Variants in DNAH11 observed in about 807,000 individuals in gnomAD.
DNAH11 encodes dynein axonemal heavy chain 11, also known as axonemal beta dynein heavy chain 11.
A neutral mutation model predicts 526.0 loss-of-function variants in DNAH11; 442 were observed. The ratio of observed to expected loss-of-function variants is 0.84; its 90% confidence interval spans 0.78 to 0.91. The LOEUF (loss-of-function observed/expected upper bound fraction) is 0.91, where lower values mean the gene tolerates loss of function less well. Ranked by LOEUF, DNAH11 falls within the 40% of genes least tolerant of loss-of-function variation. DNAH11 has a pLI of 0.00. For synonymous variants in DNAH11, 2,461 were observed against 1,935.9 expected, an observed-to-expected ratio of 1.27 and a Z score of -7.12; for missense variants, 6,989 against 5,448.7, an observed-to-expected ratio of 1.28 and a Z score of -8.90.
chr7:21,774,344 T>A (rs1472528977), intron 56 of DNAH11, among the ~76,000 whole-genome samples: 1 of 152,140 alleles, frequency 6.6e-6, no homozygotes. Context: ...TGGACCAGTA[T>A]CTTTTTTGGT....
chr7:21,748,412 C>A (rs1363311718), intron 51 of DNAH11, among the ~76,000 whole-genome samples, 168 bp from the exon 52 acceptor site: 1 of 152,152 alleles, frequency 6.6e-6, no homozygotes, highest in Non-Finnish European at 1.5e-5. Flanking sequence ...GAATCTGAAT[C>A]CGGGAGGCGG....
intron 28 of DNAH11, among the ~76,000 whole-genome samples, chr7:21,640,582 T>G (rs989914558): frequency 6.6e-6 from 1 of 152,074 alleles, no homozygotes; most frequent in Non-Finnish European, 1.5e-5. Context: ...ATTAATTCCA[T>G]GGGATAACAG....
At chr7:21,898,319 G>A (rs1016250199) in intron 79 of DNAH11, among the ~76,000 whole-genome samples, 1 of 152,158 alleles carries the variant, frequency 6.6e-6, no homozygotes, top group Non-Finnish European at 1.5e-5. Context: ...ATAGGTCCGG[G>A]CACAGAGATT....
intron 28 of DNAH11, among the ~76,000 whole-genome samples, chr7:21,649,313 G>T (rs768432019): frequency 4.6e-5 from 7 of 152,152 alleles, no homozygotes; most frequent in Non-Finnish European, 1.0e-4. Flanking sequence ...GAAATACATA[G>T]ATGGACCAAA....
At chr7:21,609,993 G>A (rs146867392) in intron 20 of DNAH11, among the ~76,000 whole-genome samples, 3 of 152,270 alleles carry the variant, frequency 2.0e-5, no homozygotes, top group East Asian at 1.9e-4. Flanking sequence ...GGTGGCTCAC[G>A]CCTGTAATCC....
chr7:21,748,498 T>C, intron 51 of DNAH11, 82 bp from the exon 52 acceptor site: 1 of 1,274,146 alleles, frequency 7.8e-7, no homozygotes, highest in African/African-American at 1.5e-5. Flanking sequence ...CAAAAGCAAA[T>C]AAATAAATAA....
intron 62 of DNAH11, among the ~76,000 whole-genome samples, chr7:21,801,971 T>C (rs1480408825): frequency 6.6e-6 from 1 of 152,198 alleles, no homozygotes; most frequent in Admixed American, 6.5e-5. Flanking sequence ...TATTCACAGA[T>C]TTTATTTGCT....
chr7:21,611,476 G>A (rs566585401), intron 20 of DNAH11, among the ~76,000 whole-genome samples: 3 of 152,220 alleles, frequency 2.0e-5, no homozygotes, highest in African/African-American at 7.2e-5. Context: ...CTTCCCTCAT[G>A]TATCTATTTA....
rs1785595917 is a variant in DNAH11 at position 21,736,077 on chromosome 7, A to G, written c.7645+233A>G. ...TGGGTGATTATGCTTTAGAACAGCA[A>G]GAATATACATCAATAGTGTTAATGT... On this transcript the variant is annotated intron_variant, in intron 46 of 81. Transcript: ENST00000409508. 3.9e-5 allele frequency among the ~76,000 whole-genome samples: 6 copies of G among 152,344 alleles called. No homozygotes were observed. The South Asian group carries it at 1.2e-3, about 32-fold the overall frequency.
chr7:21,648,874 T>G (rs544279400), intron 28 of DNAH11, among the ~76,000 whole-genome samples: 1 of 152,332 alleles, frequency 6.6e-6, no homozygotes, highest in South Asian at 2.1e-4. Flanking sequence ...TCTTTATTTC[T>G]TTAATTTTTT....
chr7:21,759,428 T>G (rs1248368974), intron 54 of DNAH11, among the ~76,000 whole-genome samples: 1 of 152,052 alleles, frequency 6.6e-6, no homozygotes, highest in Non-Finnish European at 1.5e-5. Context: ...CAAATTGAAA[T>G]TGAAAGGTAA....
chr7:21,634,629 A>G (rs138194001), intron 25 of DNAH11, among the ~76,000 whole-genome samples: 4 of 152,174 alleles, frequency 2.6e-5, no homozygotes, highest in African/African-American at 9.7e-5. Flanking sequence ...CTTGGACACA[A>G]AGAAGGGAAT....
chr7:21,854,238 C>T (rs888776712), intron 67 of DNAH11, 77 bp from the exon 68 acceptor site: 12 of 1,494,114 alleles, frequency 8.0e-6, no homozygotes, highest in Middle Eastern at 1.7e-4. Flanking sequence ...ATTTCAGGTA[C>T]GTCCTTCCAT....
chr7:21,830,909 C>G (rs73073740), intron 65 of DNAH11, among the ~76,000 whole-genome samples: 5 of 152,268 alleles, frequency 3.3e-5, no homozygotes, highest in African/African-American at 1.2e-4. Flanking sequence ...TCTGAGATTA[C>G]TTAAGCAGCT....
intron 65 of DNAH11, among the ~76,000 whole-genome samples, chr7:21,832,925 C>G (rs1208481165): frequency 6.6e-6 from 1 of 152,124 alleles, no homozygotes; most frequent in African/African-American, 2.4e-5. Flanking sequence ...AGCCTGAACA[C>G]CTGCTACTTT....
At chr7:21,702,535 A>G (rs542002496) in intron 36 of DNAH11, among the ~76,000 whole-genome samples, 175 bp from the exon 37 acceptor site, 122 of 152,206 alleles carry the variant, frequency 8.0e-4, no homozygotes, top group Middle Eastern at 3.4e-3. Context: ...AAACAGGACG[A>G]CACTACAGGG....
intron 25 of DNAH11, among the ~76,000 whole-genome samples, chr7:21,631,680 G>A (rs1786616828): frequency 6.6e-6 from 1 of 152,210 alleles, no homozygotes; most frequent in African/African-American, 2.4e-5. Flanking sequence ...GCTGATGCAA[G>A]AGGTGGGTTC....
chr7:21,754,278 A>G (rs1018671691), intron 54 of DNAH11, among the ~76,000 whole-genome samples: 9 of 152,212 alleles, frequency 5.9e-5, no homozygotes, highest in Non-Finnish European at 1.3e-4. Context: ...GTATCTACCT[A>G]GTAAATTCAT....
chr7:21,856,318 A>C (rs1018678944), intron 68 of DNAH11, among the ~76,000 whole-genome samples: 1 of 152,174 alleles, frequency 6.6e-6, no homozygotes, highest in Non-Finnish European at 1.5e-5. Flanking sequence ...TGGCTCCTGG[A>C]GATGGACTGG....
Sources: gnomAD v4.1 joint callset for allele counts (sites outside exome capture counted in the v4.1 genomes callset) on GRCh38, gnomAD v4.1.1 for gene constraint, MANE v1.5 for transcripts, NCBI Gene and HGNC (gene_info 2026-07-23, HGNC 2026-07-21) for gene names.